FRRS1: variants seen among roughly 807,000 people sequenced by gnomAD.
The protein encoded by FRRS1 is ferric reductase 1.
In FRRS1, 51 loss-of-function variants were observed where a neutral mutation model predicts 70.7. The ratio of observed to expected loss-of-function variants is 0.72; its 90% CI spans 0.58 to 0.91. FRRS1 has a LOEUF of 0.91. FRRS1 is among the 40% of genes least tolerant of loss of function. The pLI, the probability that FRRS1 is intolerant of heterozygous loss-of-function variation, is 0.00. For missense variants in FRRS1, 672 were observed against 726.0 expected (o/e 0.93, Z 0.86); for synonymous variants, 225 against 238.7 (o/e 0.94, Z 0.53).
chr1:99,711,209 T>C, intron 14 of FRRS1: 1 of 419,114 alleles, frequency 2.4e-6, no homozygotes, highest in Non-Finnish European at 4.4e-6. Context: ...TTTGGCCTTC[T>C]AGTGAACCCA....
In FRRS1 at chr1:99,723,628, C is replaced by T. The variant is rs564442272; in HGVS notation, c.1007-3981G>A. 5.3e-5 allele frequency among the ~76,000 whole-genome samples: 8 copies of T among 152,246 alleles called. No homozygotes were observed. The East Asian group carries it at 1.2e-3, about 22-fold the overall frequency. On this transcript the variant is annotated intron_variant, in intron 9 of 16. Transcript: ENST00000646001. ...GGCCAGAAGGGGAATCATGTTCTAT[C>T]AAAACTCACAAACCTATTATAAAGC...
chr1:99,708,990 T>A lies in FRRS1; in HGVS notation c.*38A>T. On this transcript the variant is annotated 3_prime_UTR_variant, in exon 17 of 17. Coordinates refer to ENST00000646001, the MANE Select transcript of FRRS1 (RefSeq NM_001361041.2). ...TCAAGTTTCTTTGGTTTGATGATAA[T>A]TATCACTTGGCCTGCAAAAGCCAAG... The A allele has an allele frequency of 1.9e-6, 3 of 1,614,068 alleles. No individual in the cohort carries two copies. Among genetic ancestry groups the A allele is most frequent in the Non-Finnish European group, 2.5e-6 (3 of 1,179,994 alleles).
At chr1:99,741,575 T>A (rs969034602) in intron 5 of FRRS1, among the ~76,000 whole-genome samples, 4 of 152,212 alleles carry the variant, frequency 2.6e-5, no homozygotes, top group Admixed American at 1.3e-4. Context: ...AAGGAAGAAG[T>A]TCTGTTTTAA....
chr1:99,720,132 A>G (rs1257602635), intron 9 of FRRS1, among the ~76,000 whole-genome samples: 2 of 152,234 alleles, frequency 1.3e-5, no homozygotes, highest in Non-Finnish European at 1.5e-5. Context: ...AAAGCATTTT[A>G]TGATACATTA....
intron 1 of FRRS1, among the ~76,000 whole-genome samples, chr1:99,764,272 AAACCTTT>A (rs1657252089): frequency 6.6e-6 from 1 of 152,202 alleles, no homozygotes; most frequent in South Asian, 2.1e-4. Context: ...GAAAAGAAAA[AAACCTTT>A]ATACATGCTT....
rs1278901837 is a variant in FRRS1, at chr1:99,704,657, A to G, written c.*4371T>C. On this transcript the variant is annotated 3_prime_UTR_variant, in exon 17 of 17. Transcript: ENST00000646001. Reference sequence around the variant, plus strand: ...AAAAACCTCCAAGATTCTAGCAGGCAGACACACAAGCAGCTGGACGTGGAG... The same window carrying G: ...AAAAACCTCCAAGATTCTAGCAGGCGGACACACAAGCAGCTGGACGTGGAG... Among the ~76,000 whole-genome samples, 1 of 152,178 alleles carries G rather than the reference A, an allele frequency of 6.6e-6. No homozygotes were observed.
At chr1:99,753,236 A>G (rs1557706625) in intron 1 of FRRS1, among the ~76,000 whole-genome samples, 1 of 150,032 alleles carries the variant, frequency 6.7e-6, no homozygotes, top group African/African-American at 2.4e-5. Flanking sequence ...AAAAAAAAAA[A>G]AAGGCTGGGT....
chr1:99,766,057 T>C (rs1276117906), intron 1 of FRRS1, among the ~76,000 whole-genome samples: 3 of 152,168 alleles, frequency 2.0e-5, no homozygotes, highest in African/African-American at 7.2e-5. Flanking sequence ...TAGGGCAGTA[T>C]GACAAGCACA....
rs750086720 is a variant in FRRS1 at position 99,738,176 on chromosome 1, G to C, written c.669C>G (p.Ser223=). 6.2e-7 allele frequency: 1 copy of C among 1,612,612 alleles called. No individual in the cohort carries two copies. The highest frequency in any genetic ancestry group is 1.7e-5 in the Admixed American group (1 of 60,000). The stretch of plus-strand genomic sequence containing the variant: ...TCACCGATTGGTCATCTCTTGTGAA[G>C]GACAAGAAGACACAGGAAGCCTCCT... The part of the protein sequence containing the change: ...PEKEASCVFL[S]FTRDDQSVMV... Residue 223 remains serine (S), a synonymous_variant, in exon 7 of 17, where the codon TCC becomes TCG. Transcript: ENST00000646001.
intron 6 of FRRS1, among the ~76,000 whole-genome samples, chr1:99,738,753 T>C (rs1206570094): frequency 6.6e-6 from 1 of 152,216 alleles, no homozygotes; most frequent in East Asian, 1.9e-4. Flanking sequence ...AGGTTGTGGA[T>C]TCTGCTTCTA....
chr1:99,740,596 T>C (rs137929930), intron 6 of FRRS1, among the ~76,000 whole-genome samples, 197 bp downstream of exon 6: 12 of 152,226 alleles, frequency 7.9e-5, no homozygotes, highest in African/African-American at 1.9e-4. Context: ...GACATTATAT[T>C]TGGCCACATA....
chr1:99,748,855 C>G (rs2100983591), intron 2 of FRRS1, 42 bp downstream of exon 2: 1 of 937,168 alleles, frequency 1.1e-6, no homozygotes, highest in South Asian at 1.8e-5. Flanking sequence ...TTCTAGATAA[C>G]TACTTGCTTT....
chr1:99,729,174 CAAA>C lies in FRRS1; in HGVS notation c.858+473_858+475del, dbSNP rs376980669. ...GCTCATTTGCTTGTCAACTGTCCTG[CAAA>C]AAAGACACTTCTCTACCAGAAATAG... On this transcript the variant is annotated intron_variant, in intron 8 of 16. Coordinates refer to ENST00000646001, the MANE Select transcript of FRRS1 (RefSeq NM_001361041.2). Among the ~76,000 whole-genome samples the C allele has an allele frequency of 4.5e-3, 686 of 152,212 alleles. 5 individuals carry two copies. The highest frequency in any genetic ancestry group is 0.016 in the African/African-American group (655 of 41,540).
At chr1:99,748,477 T>C in intron 3 of FRRS1, 96 bp downstream of exon 3, 3 of 1,041,718 alleles carry the variant, frequency 2.9e-6, no homozygotes, top group Non-Finnish European at 4.4e-6. Context: ...AGAAAACAGA[T>C]TTAAGTGAAA....
chr1:99,726,800 G>C (rs1655097019), intron 9 of FRRS1, among the ~76,000 whole-genome samples: 1 of 152,150 alleles, frequency 6.6e-6, no homozygotes, highest in African/African-American at 2.4e-5. Context: ...TCAACCTCCT[G>C]GGCTCGGGCA....
chr1:99,719,606 C>A lies in FRRS1; in HGVS notation c.1048G>T (p.Glu350Ter). ...GGAGAGTCTGTCACATCATATTTTT[C>A]ATAGGTAATCAAAGGTTGCTGAGAG... The part of the protein sequence containing the change: ...KHSQQPLITY[E>*]KYDVTDSPKN... The change falls in exon 10 of 17, where the codon GAA becomes TAA. Residue 350 changes from glutamate (E) to a stop codon, truncating the protein, a stop_gained. Transcript: ENST00000646001. LOFTEE classifies it high-confidence loss of function. 1 of 1,611,200 alleles carries A rather than the reference C, an allele frequency of 6.2e-7. No individual in the cohort carries two copies. The highest frequency in any genetic ancestry group is 8.5e-7 in the Non-Finnish European group (1 of 1,177,776).
intron 13 of FRRS1, 77 bp from the exon 14 acceptor site, chr1:99,712,240 T>A: frequency 9.4e-7 from 1 of 1,065,892 alleles, no homozygotes; most frequent in Non-Finnish European, 1.4e-6. Context: ...AAAAAGCATG[T>A]AATTTCCTTA....
Position 99,719,576 on chromosome 1 carries a change from T to G in FRRS1, c.1078A>C (p.Asn360His), listed in dbSNP as rs1390772434. ...EKYDVTDSPK[N>H]IGGSHSVLLL... The stretch of plus-strand genomic sequence containing the variant: ...AGTACAGAATGGGATCCTCCTATGT[T>G]CTTTGGAGAGTCTGTCACATCATAT... Residue 360 changes from asparagine to histidine, a missense_variant, in exon 10 of 17, where the codon AAC (asparagine) becomes CAC (histidine). Physicochemically the swap from Asn to His is moderately conservative, Grantham distance 68. Coordinates refer to ENST00000646001, the MANE Select transcript of FRRS1 (RefSeq NM_001361041.2). 1.9e-6 allele frequency: 3 copies of G among 1,610,978 alleles called. No individual in the cohort carries two copies. Among genetic ancestry groups the G allele is most frequent in the Non-Finnish European group, 2.5e-6 (3 of 1,177,252 alleles).
rs1654413751 is a variant in FRRS1, at chr1:99,714,291, C to A, written c.1323+1295G>T. Among the ~76,000 whole-genome samples the A allele has an allele frequency of 5.9e-5, 9 of 151,490 alleles. No individual in the cohort carries two copies. In the South Asian group the frequency reaches 1.9e-3, roughly 32 times the overall value. Reference sequence around the variant, plus strand: ...CTCCGCCTCCCAGGTTCAAGTGATTCTCCTTCCTCAGCCTCCTGAGTAGCT... The same window carrying A: ...CTCCGCCTCCCAGGTTCAAGTGATTATCCTTCCTCAGCCTCCTGAGTAGCT... On this transcript the variant is annotated intron_variant, in intron 12 of 16. Coordinates refer to ENST00000646001, the MANE Select transcript of FRRS1 (RefSeq NM_001361041.2).
Sources: allele counts gnomAD v4.1 joint callset (sites outside exome capture counted in the v4.1 genomes callset), GRCh38; gene constraint gnomAD v4.1.1; transcripts MANE v1.5; gene names NCBI Gene and HGNC (gene_info 2026-07-23, HGNC 2026-07-21).